MMP8: variants seen among roughly 807,000 people sequenced by gnomAD.
The protein encoded by MMP8 is matrix metallopeptidase 8.
In MMP8, 67 loss-of-function variants were observed where a neutral mutation model predicts 51.2. That is an observed-to-expected ratio of 1.31 (90% CI 1.08 to 1.60). The LOEUF is 1.60. Among genes scored for constraint, MMP8 ranks in the 40% most tolerant of loss-of-function variants. The probability of loss-of-function intolerance (pLI) is 0.00; values close to 1 mark genes in which losing one functional copy is unlikely to be tolerated. For synonymous variants in MMP8, 225 were observed against 191.0 expected (o/e 1.18, Z -1.47); for missense variants, 654 against 558.1 (o/e 1.17, Z -1.73).
intron 4 of MMP8, among the ~76,000 whole-genome samples, chr11:102,720,583 A>G (rs1861439655): frequency 1.3e-5 from 2 of 152,168 alleles, no homozygotes; most frequent in African/African-American, 4.8e-5. Flanking sequence ...TCTCTGGCAT[A>G]TTGTTACCCC....
chr11:102,715,276 A>C (rs754064114), intron 7 of MMP8, 28 bp downstream of exon 7: 2 of 1,596,562 alleles, frequency 1.3e-6, no homozygotes, highest in South Asian at 2.3e-5. Context: ...GGCAGAACTA[A>C]CATAAGATGA....
intron 5 of MMP8, among the ~76,000 whole-genome samples, chr11:102,717,309 C>G (rs1164118951): frequency 6.6e-6 from 1 of 152,168 alleles, no homozygotes; most frequent in African/African-American, 2.4e-5. Flanking sequence ...GGCAATATGG[C>G]AAAAGGCCCC....
chr11:102,718,994 G>A (rs1010439311), intron 4 of MMP8, among the ~76,000 whole-genome samples: 4 of 152,100 alleles, frequency 2.6e-5, no homozygotes, highest in African/African-American at 9.7e-5. Flanking sequence ...AGTTAGAAGA[G>A]AAGCCAGCCC....
At position 102,713,437 on chromosome 11, in the gene MMP8, C is replaced by T. The variant is rs771285116; in HGVS notation, c.1315G>A (p.Gly439Arg). The change falls in exon 10 of 10, where the codon GGA (glycine) becomes AGA (arginine). Residue 439 changes from glycine (G) to arginine (R), a missense_variant. Physicochemically the swap from Gly to Arg is moderately radical, Grantham distance 125 (BLOSUM62 -2). Transcript: ENST00000236826. Reference protein sequence around the residue: ...QQEHFFHVFSGPRYYAFDLIA... With the variant: ...QQEHFFHVFSRPRYYAFDLIA... ...AGATCAAATGCGTAATATCTTGGTC[C>T]ACTGAAGACATGGAAGAAATCTATA... 8.1e-6 allele frequency: 13 copies of T among 1,612,334 alleles called. No individual in the cohort carries two copies. Among genetic ancestry groups the T allele is most frequent in the Non-Finnish European group, 1.1e-5 (13 of 1,178,560 alleles).
At chr11:102,724,319 G>T (rs1422595881) in intron 1 of MMP8, among the ~76,000 whole-genome samples, 1 of 152,132 alleles carries the variant, frequency 6.6e-6, no homozygotes, top group East Asian at 1.9e-4. Flanking sequence ...CTAGTTCATT[G>T]TAATCTACCA....
At chr11:102,715,175 T>A in intron 7 of MMP8, 129 bp downstream of exon 7, 1 of 1,160,458 alleles carries the variant, frequency 8.6e-7, no homozygotes, top group Non-Finnish European at 1.2e-6. Flanking sequence ...CCAACCCTAG[T>A]CTTCTGGCAA....
rs1591681257 is a variant in MMP8, at chr11:102,721,457, C to A, written c.566G>T (p.Gly189Val). 1 of 1,613,794 alleles carries A rather than the reference C, an allele frequency of 6.2e-7. No homozygotes were observed. Among genetic ancestry groups the A allele is most frequent in the South Asian group, 1.1e-5 (1 of 91,086 alleles). Reference protein sequence around the residue: ...ILAHAFQPGQGIGGDAHFDAE... With the variant: ...ILAHAFQPGQVIGGDAHFDAE... Reference sequence around the variant, plus strand: ...ATCAAAATGAGCATCTCCTCCAATACCTTGGCCTGGCTGAAAGGCATGAGC... The same window carrying A: ...ATCAAAATGAGCATCTCCTCCAATAACTTGGCCTGGCTGAAAGGCATGAGC... The change falls in exon 4 of 10, where the codon GGT becomes GTT. Residue 189 changes from glycine (G) to valine (V), a missense_variant. By Grantham distance (109) the Gly-to-Val change is moderately radical. Transcript: ENST00000236826.
In MMP8 at chr11:102,724,823, G is replaced by T; in HGVS notation, c.33C>A (p.Leu11=). 1.2e-6 allele frequency: 2 copies of T among 1,610,226 alleles called. No homozygotes were observed. Among genetic ancestry groups the T allele is most frequent in the Non-Finnish European group, 1.7e-6 (2 of 1,177,756 alleles). Residue 11 remains leucine, a synonymous_variant, in exon 1 of 10, where the codon CTC becomes CTA. Coordinates refer to ENST00000236826, the MANE Select transcript of MMP8 (RefSeq NM_002424.3). ...CCTTGGAAATCTGCACATGGAGTAA[G>T]AGCAGAAATGGAAGCGTCTTCAGGG... The part of the protein sequence containing the change: MFSLKTLPFL[L]LLHVQISKAF...
chr11:102,715,952 C>T (rs929159155), intron 6 of MMP8, among the ~76,000 whole-genome samples: 48 of 152,034 alleles, frequency 3.2e-4, no homozygotes, highest in Admixed American at 3.3e-4. Flanking sequence ...GGTTCCCAAG[C>T]AGCTGTAGCC....
In MMP8 at chr11:102,713,127, A is replaced by G. The variant is rs1009747344; in HGVS notation, c.*221T>C. Reference sequence around the variant, plus strand: ...GGCTTACTTTCCTTCTCTTTGATGGAATCACTAATGTAAGATGGAATGTGT... The same window carrying G: ...GGCTTACTTTCCTTCTCTTTGATGGGATCACTAATGTAAGATGGAATGTGT... On this transcript the variant is annotated 3_prime_UTR_variant, in exon 10 of 10. Transcript: ENST00000236826. The G allele has an allele frequency of 4.8e-6, 2 of 413,570 alleles. No homozygotes were observed. The highest frequency in any genetic ancestry group is 8.3e-5 in the Admixed American group (2 of 24,052). The allele number at this position is 413,570 out of a possible 1,614,324, so 25.6% of individuals were successfully genotyped here.
chr11:102,722,938 A>G lies in MMP8; in HGVS notation c.103-265T>C, dbSNP rs942179346. The G allele has an allele frequency of 1.7e-5, 21 of 1,217,074 alleles. No homozygotes were observed. In the African/African-American group the frequency reaches 2.4e-4, roughly 14 times the overall value. 75.4% of individuals were successfully genotyped at this position (1,217,074 alleles called of 1,614,324 possible). On this transcript the variant is annotated intron_variant, in intron 1 of 9. Coordinates refer to ENST00000236826, the MANE Select transcript of MMP8 (RefSeq NM_002424.3). ...GATCACATCACACAGGCAAAGTGCT[A>G]CTCTACAGTCAGGAGACTGTCTTCT...
chr11:102,715,279 T>G (rs1445191548), intron 7 of MMP8, 25 bp downstream of exon 7: 2 of 1,598,138 alleles, frequency 1.3e-6, no homozygotes, highest in East Asian at 4.5e-5. Flanking sequence ...AGAACTAACA[T>G]AAGATGAAAA....
At chr11:102,719,250 C>T (rs1861399746) in intron 4 of MMP8, among the ~76,000 whole-genome samples, 3 of 152,190 alleles carry the variant, frequency 2.0e-5, no homozygotes, top group East Asian at 1.9e-4. Flanking sequence ...TAAAGCCCAA[C>T]CTCTTTTGCC....
intron 4 of MMP8, among the ~76,000 whole-genome samples, chr11:102,719,684 A>G (rs1861412644): frequency 6.6e-6 from 1 of 152,236 alleles, no homozygotes; most frequent in South Asian, 2.1e-4. Context: ...TTATCATCAC[A>G]TCCTTTTAAT....
At chr11:102,718,289 G>C in intron 5 of MMP8, 125 bp downstream of exon 5, 1 of 1,007,034 alleles carries the variant, frequency 9.9e-7, no homozygotes, top group Non-Finnish European at 1.5e-6. Context: ...TTTATTACTG[G>C]GGAAATTCAG....
chr11:102,723,858 A>G (rs933866495), intron 1 of MMP8: 1 of 252,426 alleles, frequency 4.0e-6, no homozygotes, highest in Non-Finnish European at 8.5e-6. Context: ...TTGGAATCAG[A>G]CAGGCCTGGG....
Position 102,724,047 on chromosome 11 carries a change from G to A in MMP8, c.102+707C>T, listed in dbSNP as rs1174326790. ...GCCTTGCATAGAATAAGCACTCAAT[G>A]GACTTTACATTAACCCGGGGGTTAC... On this transcript the variant is annotated intron_variant, in intron 1 of 9. Transcript: ENST00000236826. 2 of 163,962 alleles carry A rather than the reference G, an allele frequency of 1.2e-5. 1 individual carries two copies. The allele number at this position is 163,962 out of a possible 1,614,324, so 10.2% of individuals were successfully genotyped here.
At chr11:102,722,951 G>A (rs1445010058) in intron 1 of MMP8, 1 of 1,240,488 alleles carries the variant, frequency 8.1e-7, no homozygotes, top group Non-Finnish European at 1.1e-6. Context: ...CTACAGTCAG[G>A]AGACTGTCTT....
At chr11:102,722,344 G>A in intron 2 of MMP8, 85 bp downstream of exon 2, 1 of 1,395,356 alleles carries the variant, frequency 7.2e-7, no homozygotes, top group Non-Finnish European at 9.8e-7. Context: ...CTTGTTCCTA[G>A]TGTATCCCAA....
Sources: gnomAD v4.1 joint callset for allele counts (sites outside exome capture counted in the v4.1 genomes callset) on GRCh38, gnomAD v4.1.1 for gene constraint, MANE v1.5 for transcripts, NCBI Gene and HGNC (gene_info 2026-07-23, HGNC 2026-07-21) for gene names.